Variants in ARMCX4 observed in about 807,000 individuals in gnomAD.
ARMCX4 encodes armadillo repeat-containing X-linked protein 4.
In ARMCX4, 3 loss-of-function variants were observed where a neutral mutation model predicts 34.7. The ratio of observed to expected loss-of-function variants is 0.09; its 90% confidence interval spans 0.04 to 0.22. The LOEUF (loss-of-function observed/expected upper bound fraction) is 0.22, where lower values mean the gene tolerates loss of function less well. Among genes scored for constraint, ARMCX4 ranks in the 10% least tolerant of loss-of-function variants. The pLI, the probability that ARMCX4 is intolerant of heterozygous loss-of-function variation, is 1.00. For synonymous variants in ARMCX4, 513 were observed against 632.8 expected (o/e 0.81, Z 2.84); for missense variants, 1,448 against 1,720.8 (o/e 0.84, Z 2.81).
At chrX:101,437,077 G>T (rs1475971851) in intron 2 of ARMCX4, among the ~76,000 whole-genome samples, 4 of 111,901 alleles carry the variant, frequency 3.6e-5, no homozygotes, top group African/African-American at 1.3e-4. Flanking sequence ...TTGCATGGAT[G>T]TTCATCAGGG....
intron 4 of ARMCX4, among the ~76,000 whole-genome samples, chrX:101,480,123 GAC>G (rs57237822): frequency 0.21 from 15,961 of 76,240 alleles, 1,280 homozygotes; most frequent in African/African-American, 0.26. Flanking sequence ...AGGATTTGGA[GAC>G]ACACACACAC....
chrX:101,440,230 G>T (rs782055483), intron 2 of ARMCX4, among the ~76,000 whole-genome samples: 1 of 112,176 alleles, frequency 8.9e-6, no homozygotes, highest in African/African-American at 3.2e-5. Flanking sequence ...GTTGGAGTTT[G>T]CTGGAGGTCC....
At position 101,423,473 on chromosome X, in the gene ARMCX4, C is replaced by T. The variant is rs544651558; in HGVS notation, n.164+4473C>T. ...TCTCTACTAAGAATACACAATTAGC[C>T]GGGCATGGTGACACATGCCTGTAAT... On this transcript the variant is annotated intron_variant and non_coding_transcript_variant, in intron 2 of 3. Coordinates refer to the ARMCX4 transcript ENST00000430461. Among the ~76,000 whole-genome samples, 3 of 106,874 alleles carry T rather than the reference C, an allele frequency of 2.8e-5. No individual in the cohort carries two copies. In the South Asian group the frequency reaches 1.3e-3, roughly 46 times the overall value. 92.8% of individuals were successfully genotyped at this position (106,874 alleles called of 115,157 possible).
At chrX:101,478,386 T>G (rs1933294381) in intron 4 of ARMCX4, among the ~76,000 whole-genome samples, 1 of 111,973 alleles carries the variant, frequency 8.9e-6, no homozygotes, top group Admixed American at 9.5e-5. Flanking sequence ...TATGTTAGAA[T>G]AGAGGGAAGA....
rs782006379 is a variant in ARMCX4 at position 101,486,947 on chromosome X, T to TAAATAAAATAAAATA, written c.-366-229_-366-215dup. ...GTCTCAAAATAAATAAAAAATAAAA[T>TAAATAAAATAAAATA]AAATAAAATAAAATAAAATAAAATA... is the stretch of plus-strand genomic sequence containing the variant. On this transcript the variant is annotated intron_variant, in intron 2 of 5. Transcript: ENST00000423738. Among the ~76,000 whole-genome samples the TAAATAAAATAAAATA allele has an allele frequency of 7.7e-3, 821 of 106,229 alleles. 4 individuals carry two copies. Among genetic ancestry groups the TAAATAAAATAAAATA allele is most frequent in the South Asian group, 0.02 (48 of 2,437 alleles). The allele number at this position is 106,229 out of a possible 115,157, so 92.2% of individuals were successfully genotyped here. A position where few individuals can be genotyped will look rare whatever the true frequency, so the allele number is the denominator to read the frequency against.
chrX:101,527,393 T>A (rs1330424348), intron 11 of ARMCX4, among the ~76,000 whole-genome samples: 1 of 110,961 alleles, frequency 9.0e-6, no homozygotes, highest in Non-Finnish European at 1.9e-5. Flanking sequence ...AGATCTAAAA[T>A]CGACACCCTA....
intron 2 of ARMCX4, among the ~76,000 whole-genome samples, chrX:101,442,302 G>A (rs1405514644): frequency 9.0e-6 from 1 of 111,601 alleles, no homozygotes; most frequent in Non-Finnish European, 1.9e-5. Context: ...CTGATACCAG[G>A]CTGGGAGTGT....
intron 11 of ARMCX4, among the ~76,000 whole-genome samples, chrX:101,520,750 G>T (rs1442258172): frequency 9.0e-6 from 1 of 110,668 alleles, no homozygotes; most frequent in African/African-American, 3.3e-5. Flanking sequence ...TGGTATCTGG[G>T]TAATACTGGC....
At chrX:101,446,451 T>TGGAATATATCCACTGTATTGGTATTCCA (rs2147574984), downstream of ARMCX4, among the ~76,000 whole-genome samples, 1 of 112,034 alleles carries the variant, frequency 8.9e-6, no homozygotes, top group East Asian at 2.8e-4. Flanking sequence ...CTTCCACTAG[T>TGGAATATATCCACTGTATTGGTATTCCA]ATCTGTAGTG....
rs565367230 is a variant in ARMCX4, at chrX:101,466,186, A to G, written c.-472-19837A>G. ...AAAACAACAACTGAATTTTAAAAAT[A>G]CAGGTAAAAGATTAGAATATCTGCA... On this transcript the variant is annotated intron_variant and NMD_transcript_variant, in intron 4 of 15. Coordinates refer to the ARMCX4 transcript ENST00000433011. Among the ~76,000 whole-genome samples, 66 of 112,533 alleles carry G rather than the reference A, an allele frequency of 5.9e-4. No individual in the cohort carries two copies. The South Asian group carries it at 0.02, about 35-fold the overall frequency.
chrX:101,515,424 TTCC>T (rs1934710695), intron 11 of ARMCX4, among the ~76,000 whole-genome samples: 1 of 21,311 alleles, frequency 4.7e-5, no homozygotes, highest in Admixed American at 6.2e-4. Context: ...TCTTCCTTCC[TTCC>T]TTCCTTCCTT....
chrX:101,525,386 A>T (rs950352661), intron 11 of ARMCX4, among the ~76,000 whole-genome samples: 31 of 112,072 alleles, frequency 2.8e-4, no homozygotes, highest in Admixed American at 1.5e-3. Flanking sequence ...AAAGCTGAAA[A>T]TTCTAAAAAC....
intron 11 of ARMCX4, among the ~76,000 whole-genome samples, chrX:101,512,039 T>C (rs1163039028): frequency 9.0e-6 from 1 of 111,461 alleles, no homozygotes; most frequent in African/African-American, 3.3e-5. Flanking sequence ...TCACCTAGTA[T>C]AGGGGCTGGA....
rs192194239 is a variant in ARMCX4 at position 101,467,669 on chromosome X, G to T, written c.-472-18354G>T. On this transcript the variant is annotated intron_variant and NMD_transcript_variant, in intron 4 of 15. Transcript: ENST00000433011. ...TTTCTGAATCAATTATTTCATGGTG[G>T]GGGGGGGACGGTGTCATAAAATAAT... Among the ~76,000 whole-genome samples, 14 of 110,970 alleles carry T rather than the reference G, an allele frequency of 1.3e-4. No homozygotes were observed. The East Asian group carries it at 4.0e-3, about 31-fold the overall frequency.
At chrX:101,526,465 T>C (rs1569350927) in intron 11 of ARMCX4, among the ~76,000 whole-genome samples, 2 of 111,801 alleles carry the variant, frequency 1.8e-5, no homozygotes, top group Non-Finnish European at 3.8e-5. Context: ...AATGACAGGA[T>C]CAAATTCACA....
chrX:101,531,129 A>G (rs1935120277), intron 11 of ARMCX4, among the ~76,000 whole-genome samples: 1 of 111,631 alleles, frequency 9.0e-6, no homozygotes, highest in Non-Finnish European at 1.9e-5. Flanking sequence ...CCTGAATTCC[A>G]CTGTTTCACT....
intron 2 of ARMCX4, among the ~76,000 whole-genome samples, chrX:101,439,967 C>G (rs1272216228): frequency 9.0e-6 from 1 of 110,933 alleles, no homozygotes; most frequent in African/African-American, 3.3e-5. Context: ...GAAGCCTTCT[C>G]CTCTCAACTC....
chrX:101,504,198 T>C lies in ARMCX4; in HGVS notation c.*1178-739T>C, dbSNP rs1240297128. Among the ~76,000 whole-genome samples the C allele has an allele frequency of 2.7e-5, 3 of 111,648 alleles. No individual in the cohort carries two copies. In the East Asian group the frequency reaches 8.4e-4, roughly 31 times the overall value. On this transcript the variant is annotated intron_variant and NMD_transcript_variant, in intron 7 of 12. Transcript: ENST00000354842. ...TGTTTTGGTTACTGTAGCCTTGTAG[T>C]ATAGTTTGAAGTCAGGTAGCCTGAT...
chrX:101,468,621 CT>C (rs1277114859), intron 4 of ARMCX4, among the ~76,000 whole-genome samples: 20 of 104,373 alleles, frequency 1.9e-4, no homozygotes, highest in Non-Finnish European at 3.0e-4. Flanking sequence ...CTTTTCTTTT[CT>C]TTTTTTTTTG....
Sources: gnomAD v4.1 joint callset for allele counts (sites outside exome capture counted in the v4.1 genomes callset) on GRCh38, gnomAD v4.1.1 for gene constraint, MANE v1.5 for transcripts, NCBI Gene and HGNC (gene_info 2026-07-23, HGNC 2026-07-21) for gene names.